BACE2: variants seen among roughly 807,000 people sequenced by gnomAD.
The protein encoded by BACE2 is 56 kDa aspartic-like protease.
In BACE2, 17 loss-of-function variants were observed where a neutral mutation model predicts 46.2. The ratio of observed to expected loss-of-function variants is 0.37; its 90% confidence interval spans 0.25 to 0.55. BACE2 has a LOEUF of 0.55. BACE2 is among the 20% of genes least tolerant of loss of function. The probability of loss-of-function intolerance (pLI) is 0.82; values close to 1 mark genes in which losing one functional copy is unlikely to be tolerated. For synonymous variants in BACE2, 277 were observed against 295.9 expected (o/e 0.94, Z 0.66); for missense variants, 595 against 698.1 (o/e 0.85, Z 1.66).
At chr21:41,219,152 C>T (rs1054934525) in intron 1 of BACE2, among the ~76,000 whole-genome samples, 6 of 152,192 alleles carry the variant, frequency 3.9e-5, no homozygotes, top group Non-Finnish European at 5.9e-5. Context: ...TGAGCCACCG[C>T]GCCCAGCCAA....
chr21:41,184,533 A>G (rs1027094284), intron 1 of BACE2: 2 of 167,112 alleles, frequency 1.2e-5, no homozygotes, highest in African/African-American at 4.8e-5. Context: ...ATTTCCATCA[A>G]CTACTTTCCA....
intron 7 of BACE2, among the ~76,000 whole-genome samples, chr21:41,254,896 GC>G (rs1433175317): frequency 6.6e-6 from 1 of 152,238 alleles, no homozygotes; most frequent in Non-Finnish European, 1.5e-5. Flanking sequence ...AACTCTGTCT[GC>G]CCGAGGGGCG....
chr21:41,277,947 G>GTGGGACATTTT lies in BACE2; in HGVS notation c.*2325_*2335dup. On this transcript the variant is annotated 3_prime_UTR_variant, in exon 9 of 9. Transcript: ENST00000330333. ...ACAAGAATGAGATAGACAATTGAAT[G>GTGGGACATTTT]TGGGACATTTTTCTGGCATGTCTTG... The GTGGGACATTTT allele has an allele frequency of 6.6e-6, 1 of 152,332 alleles. No homozygotes were observed. The highest frequency in any genetic ancestry group is 2.4e-5 in the African/African-American group (1 of 41,576). The allele number at this position is 152,332 out of a possible 1,614,324, so 9.4% of individuals were successfully genotyped here. A position where few individuals can be genotyped will look rare whatever the true frequency, so the allele number is the denominator to read the frequency against.
rs1426954840 is a variant in BACE2 at position 41,279,131 on chromosome 21, A to G, written c.*3507A>G. Reference sequence around the variant, plus strand: ...TTTAATGCCGAGAAAAGTCCATGCCACAGAAGTTATTGTGTATGTCTCTAG... The same window carrying G: ...TTTAATGCCGAGAAAAGTCCATGCCGCAGAAGTTATTGTGTATGTCTCTAG... On this transcript the variant is annotated 3_prime_UTR_variant, in exon 9 of 9. Transcript: ENST00000330333. 1.3e-5 allele frequency: 2 copies of G among 152,150 alleles called. No individual in the cohort carries two copies. Among genetic ancestry groups the G allele is most frequent in the Non-Finnish European group, 2.9e-5 (2 of 68,026 alleles). 9.4% of individuals were successfully genotyped at this position (152,150 alleles called of 1,614,324 possible).
At chr21:41,185,661 A>G (rs149999022) in intron 1 of BACE2, among the ~76,000 whole-genome samples, 2 of 152,380 alleles carry the variant, frequency 1.3e-5, no homozygotes, top group African/African-American at 4.8e-5. Context: ...TAAAAACCCC[A>G]GAGCATCTGG....
At chr21:41,226,406 A>G (rs1329227991) in intron 2 of BACE2, 52 bp downstream of exon 2, 14 of 1,487,448 alleles carry the variant, frequency 9.4e-6, no homozygotes, top group Non-Finnish European at 1.3e-5. Context: ...TGCATGATCA[A>G]CATGCTTCAA....
intron 1 of BACE2, among the ~76,000 whole-genome samples, chr21:41,199,710 G>C (rs960316266): frequency 6.6e-6 from 1 of 152,034 alleles, no homozygotes; most frequent in Non-Finnish European, 1.5e-5. Context: ...GATTCCCTCC[G>C]CACTTCTAGC....
rs60157475 is a variant in BACE2 at position 41,232,899 on chromosome 21, C to T, written c.402-4614C>T. ...TTTTTTTTTTTTTGAGACAGAGTCT[C>T]GCTCTGTTGCCCAGGCTGGAGTGCA... On this transcript the variant is annotated intron_variant, in intron 2 of 8. Transcript: ENST00000330333. Among the ~76,000 whole-genome samples the T allele has an allele frequency of 3.2e-3, 472 of 146,066 alleles. 7 individuals carry two copies. The highest frequency in any genetic ancestry group is 0.012 in the African/African-American group (452 of 39,156).
At chr21:41,178,406 C>T (rs1453487211) in intron 1 of BACE2, 3 of 152,188 alleles carry the variant, frequency 2.0e-5, no homozygotes, top group Non-Finnish European at 2.9e-5. Flanking sequence ...AAAATTTGAA[C>T]CTGACTCAAA....
chr21:41,255,573 G>T (rs1442791693), intron 7 of BACE2, among the ~76,000 whole-genome samples: 1 of 152,184 alleles, frequency 6.6e-6, no homozygotes, highest in African/African-American at 2.4e-5. Context: ...CCGCCCTATG[G>T]TTACTGCCTG....
intron 1 of BACE2, among the ~76,000 whole-genome samples, chr21:41,215,397 A>G (rs1304236069): frequency 6.6e-6 from 1 of 151,996 alleles, no homozygotes; most frequent in African/African-American, 2.4e-5. Flanking sequence ...TAGATGCTGC[A>G]CTCTGCAGGG....
intron 1 of BACE2, among the ~76,000 whole-genome samples, chr21:41,204,373 A>G (rs62217950): frequency 0.024 from 3,709 of 152,068 alleles, 79 homozygotes; most frequent in Non-Finnish European, 0.037. Flanking sequence ...AAGATGGGAG[A>G]TATGATGTCC....
intron 2 of BACE2, among the ~76,000 whole-genome samples, chr21:41,229,293 C>A (rs2123579668): frequency 6.6e-6 from 1 of 152,338 alleles, no homozygotes; most frequent in Admixed American, 6.5e-5. Context: ...CCTCGTTTAG[C>A]AATTCTTTCC....
At chr21:41,239,675 C>T (rs1449590214) in intron 3 of BACE2, among the ~76,000 whole-genome samples, 1 of 152,104 alleles carries the variant, frequency 6.6e-6, no homozygotes, top group Non-Finnish European at 1.5e-5. Flanking sequence ...CCGTGCCTGG[C>T]CTTATTCCCC....
chr21:41,185,435 T>C (rs1985335542), intron 1 of BACE2, among the ~76,000 whole-genome samples: 1 of 152,184 alleles, frequency 6.6e-6, no homozygotes, highest in African/African-American at 2.4e-5. Context: ...TGTCTACCAC[T>C]GTAGGTGGCT....
At chr21:41,239,650 T>C (rs1366635954) in intron 3 of BACE2, among the ~76,000 whole-genome samples, 1 of 152,198 alleles carries the variant, frequency 6.6e-6, no homozygotes, top group Admixed American at 6.5e-5. Context: ...AGTGTTGGGA[T>C]TGTGGCATGA....
chr21:41,168,934 C>T (rs1025165040), intron 1 of BACE2, among the ~76,000 whole-genome samples: 1 of 151,884 alleles, frequency 6.6e-6, no homozygotes, highest in Non-Finnish European at 1.5e-5. Flanking sequence ...GAGCGGTGGG[C>T]CTTGGGCGAC....
chr21:41,251,068 G>T (rs536026749), intron 7 of BACE2, among the ~76,000 whole-genome samples, 167 bp downstream of exon 7: 1 of 152,332 alleles, frequency 6.6e-6, no homozygotes, highest in Admixed American at 6.5e-5. Flanking sequence ...GCAGGGCGGT[G>T]TCCCTTGGCC....
chr21:41,174,889 C>T (rs1009321359), intron 1 of BACE2, among the ~76,000 whole-genome samples: 3 of 152,106 alleles, frequency 2.0e-5, no homozygotes, highest in Non-Finnish European at 4.4e-5. Flanking sequence ...CAGATACTAC[C>T]CGGACAATAG....
Sources: gnomAD v4.1 joint callset for allele counts (sites outside exome capture counted in the v4.1 genomes callset) on GRCh38, gnomAD v4.1.1 for gene constraint, MANE v1.5 for transcripts, NCBI Gene and HGNC (gene_info 2026-07-23, HGNC 2026-07-21) for gene names.